Variants in HSF2 observed in about 807,000 individuals in gnomAD.
HSF2 encodes heat shock factor protein 2.
Under a neutral mutation model 65.0 loss-of-function variants are expected in HSF2, and 21 were observed. That is an observed-to-expected ratio of 0.32 (90% CI 0.23 to 0.47). The LOEUF is 0.47. Ranked by LOEUF, HSF2 falls within the 20% of genes least tolerant of loss-of-function variation. The pLI is 1.00. For missense variants in HSF2, 499 were observed against 628.1 expected, an observed-to-expected ratio of 0.79 and a Z score of 2.20; for synonymous variants, 225 against 219.1, an observed-to-expected ratio of 1.03 and a Z score of -0.24.
At chr6:122,403,543 G>A (rs925789176) in intron 1 of HSF2, among the ~76,000 whole-genome samples, 1 of 152,148 alleles carries the variant, frequency 6.6e-6, no homozygotes, top group Non-Finnish European at 1.5e-5. Context: ...TGAGGCAGAG[G>A]TTGCAATGAG....
chr6:122,409,496 A>G (rs1242570111), intron 1 of HSF2, among the ~76,000 whole-genome samples: 6 of 151,996 alleles, frequency 3.9e-5, no homozygotes, highest in African/African-American at 1.4e-4. Flanking sequence ...AGATGGGTAG[A>G]TTGAAAAAGA....
At chr6:122,423,545 T>C (rs1237066061) in intron 9 of HSF2, 36 bp from the exon 10 acceptor site, 1 of 1,108,020 alleles carries the variant, frequency 9.0e-7, no homozygotes, top group Non-Finnish European at 1.3e-6. Context: ...AACAAGGATA[T>C]CTAATATTTG....
chr6:122,410,638 A>T (rs1046375117), intron 1 of HSF2, among the ~76,000 whole-genome samples: 1 of 151,938 alleles, frequency 6.6e-6, no homozygotes, highest in Non-Finnish European at 1.5e-5. Flanking sequence ...GCTATTATGG[A>T]AACTTCATAT....
At chr6:122,431,670 T>G (rs1328112077) in intron 12 of HSF2, among the ~76,000 whole-genome samples, 156 bp downstream of exon 12, 2 of 106,204 alleles carry the variant, frequency 1.9e-5, no homozygotes, top group African/African-American at 3.7e-5. Context: ...ATTGGTGAGG[T>G]AACAATTCTT....
At chr6:122,427,979 C>G (rs771822518) in intron 11 of HSF2, 23 bp downstream of exon 11, 8 of 1,522,366 alleles carry the variant, frequency 5.3e-6, no homozygotes, top group East Asian at 2.3e-5. Context: ...TCATGTTGCT[C>G]AGGACCCATA....
At chr6:122,428,982 A>G (rs1251844972) in intron 11 of HSF2, among the ~76,000 whole-genome samples, 1 of 152,068 alleles carries the variant, frequency 6.6e-6, no homozygotes, top group Non-Finnish European at 1.5e-5. Context: ...TTTTCAGGCC[A>G]TATGTTCTCT....
chr6:122,432,424 G>A lies in HSF2; in HGVS notation c.*204G>A, dbSNP rs1774495876. The A allele has an allele frequency of 6.1e-6, 3 of 494,340 alleles. No individual in the cohort carries two copies. Among genetic ancestry groups the A allele is most frequent in the Non-Finnish European group, 1.1e-5 (3 of 279,580 alleles). The allele number at this position is 494,340 out of a possible 1,614,324, so 30.6% of individuals were successfully genotyped here. A position where few individuals can be genotyped will look rare whatever the true frequency, so the allele number is the denominator to read the frequency against. ...TACTCAGCTGCATAGTTACGCAGAT[G>A]TAATGCACATTATTGGCGTATCTTT... On this transcript the variant is annotated 3_prime_UTR_variant, in exon 13 of 13. Transcript: ENST00000368455.
chr6:122,412,848 C>G (rs1774031925), intron 3 of HSF2, 84 bp downstream of exon 3: 4 of 1,224,518 alleles, frequency 3.3e-6, no homozygotes, highest in Non-Finnish European at 4.7e-6. Flanking sequence ...GTTGAAAGTA[C>G]AGAAATGCAC....
At chr6:122,413,674 T>C (rs1445463867) in intron 4 of HSF2, 25 bp downstream of exon 4, 1 of 1,579,336 alleles carries the variant, frequency 6.3e-7, no homozygotes, top group Non-Finnish European at 8.7e-7. Flanking sequence ...CCAAATATAA[T>C]TTTAATCTGG....
chr6:122,431,341 C>T, intron 11 of HSF2, 89 bp from the exon 12 acceptor site: 1 of 493,458 alleles, frequency 2.0e-6, no homozygotes, highest in Non-Finnish European at 3.4e-6. Context: ...AGATAATATA[C>T]CAGTATTTAC....
intron 10 of HSF2, among the ~76,000 whole-genome samples, chr6:122,424,600 C>T (rs1409630893): frequency 2.0e-5 from 3 of 152,068 alleles, no homozygotes; most frequent in Non-Finnish European, 4.4e-5. Context: ...AAATTGTTAG[C>T]ACCTCACAGA....
intron 10 of HSF2, 150 bp from the exon 11 acceptor site, chr6:122,427,753 G>C (rs1419261805): frequency 6.9e-6 from 3 of 436,134 alleles, no homozygotes; most frequent in Non-Finnish European, 1.2e-5. Context: ...TTTTCTTTCT[G>C]CTTTTCTCTT....
At chr6:122,399,589 T>C (rs569475704), upstream of HSF2, 5 of 617,784 alleles carry the variant, frequency 8.1e-6, no homozygotes, top group Middle Eastern at 4.1e-4. Context: ...CTCTCGGCCT[T>C]GCCGCGCGCC....
intron 11 of HSF2, 119 bp downstream of exon 11, chr6:122,428,075 A>G: frequency 1.9e-6 from 1 of 538,780 alleles, no homozygotes; most frequent in East Asian, 3.2e-5. Context: ...CTTACCCAGT[A>G]TGTGTGATCA....
chr6:122,404,540 T>A (rs1186495353), intron 1 of HSF2, among the ~76,000 whole-genome samples: 1 of 152,206 alleles, frequency 6.6e-6, no homozygotes, highest in Non-Finnish European at 1.5e-5. Context: ...TTTAAAGTAA[T>A]GTGGCTGAAG....
chr6:122,413,775 A>G, intron 4 of HSF2, 126 bp downstream of exon 4: 1 of 790,142 alleles, frequency 1.3e-6, no homozygotes, highest in Non-Finnish European at 2.1e-6. Flanking sequence ...GCCAAGATCA[A>G]AGGTCATTTT....
intron 1 of HSF2, among the ~76,000 whole-genome samples, chr6:122,408,519 C>T (rs892449020): frequency 6.6e-6 from 1 of 151,920 alleles, no homozygotes; most frequent in Non-Finnish European, 1.5e-5. Flanking sequence ...TCCTGGATAT[C>T]TTATATATGT....
intron 10 of HSF2, among the ~76,000 whole-genome samples, chr6:122,425,546 A>G (rs1327976193): frequency 6.6e-6 from 1 of 152,072 alleles, no homozygotes; most frequent in Admixed American, 6.6e-5. Flanking sequence ...CAAGAATTAG[A>G]AATAATTAAC....
At chr6:122,400,528 T>G (rs1415994333) in intron 1 of HSF2, among the ~76,000 whole-genome samples, 4 of 152,228 alleles carry the variant, frequency 2.6e-5, no homozygotes, top group African/African-American at 9.6e-5. Context: ...TAAATTTCGC[T>G]GAACAGTTAC....
Sources: allele counts gnomAD v4.1 joint callset (sites outside exome capture counted in the v4.1 genomes callset), GRCh38; gene constraint gnomAD v4.1.1; transcripts MANE v1.5; gene names NCBI Gene and HGNC (gene_info 2026-07-23, HGNC 2026-07-21).